The following TCF12 variants were observed in gnomAD, a reference collection of about 807,000 sequenced individuals.
The protein encoded by TCF12 is transcription factor 12.
In TCF12, 45 loss-of-function variants were observed where a neutral mutation model predicts 86.0. The ratio of observed to expected loss-of-function variants is 0.52; its 90% CI spans 0.41 to 0.67. TCF12 has a LOEUF of 0.67. Ranked by LOEUF, TCF12 falls within the 30% of genes least tolerant of loss-of-function variation. The probability of loss-of-function intolerance (pLI) is 0.00; values close to 1 mark genes in which losing one functional copy is unlikely to be tolerated. For missense variants in TCF12, 881 were observed against 859.9 expected (o/e 1.02, Z -0.31); for synonymous variants, 330 against 299.6 (o/e 1.10, Z -1.05).
intron 3 of TCF12, among the ~76,000 whole-genome samples, chr15:57,015,681 A>G (rs2141206144): frequency 6.8e-6 from 1 of 147,554 alleles, no homozygotes; most frequent in South Asian, 2.2e-4. Flanking sequence ...CATGTTTCTT[A>G]GACAGTTTCT....
intron 16 of TCF12, among the ~76,000 whole-genome samples, chr15:57,256,546 C>T (rs925714347): frequency 2.1e-5 from 3 of 139,698 alleles, no homozygotes; most frequent in African/African-American, 5.3e-5. Flanking sequence ...AATCGATTCC[C>T]CACCCCCACC....
intron 5 of TCF12, among the ~76,000 whole-genome samples, chr15:57,151,195 G>GT (rs1415038394): frequency 6.8e-6 from 1 of 146,708 alleles, no homozygotes; most frequent in Non-Finnish European, 1.5e-5. Context: ...TGCCCAGGCT[G>GT]GTCTTAAACT....
intron 6 of TCF12, among the ~76,000 whole-genome samples, chr15:57,189,795 A>G (rs1356294552): frequency 2.0e-5 from 3 of 151,504 alleles, no homozygotes; most frequent in African/African-American, 4.8e-5. Context: ...TATACATAGC[A>G]GTACTATTCA....
intron 7 of TCF12, among the ~76,000 whole-genome samples, chr15:57,197,321 T>G (rs2057321650): frequency 6.6e-6 from 1 of 151,770 alleles, no homozygotes; most frequent in South Asian, 2.1e-4. Flanking sequence ...CACGGCCAGT[T>G]AATTTTTTTG....
At chr15:56,938,138 T>C (rs974693770) in intron 3 of TCF12, among the ~76,000 whole-genome samples, 1 of 150,264 alleles carries the variant, frequency 6.7e-6, no homozygotes, top group African/African-American at 2.5e-5. Flanking sequence ...GTTTGCTTTT[T>C]TTTCTTCTTT....
intron 4 of TCF12, among the ~76,000 whole-genome samples, chr15:57,085,852 A>C (rs2048588512): frequency 6.6e-6 from 1 of 152,042 alleles, no homozygotes; most frequent in African/African-American, 2.4e-5. Context: ...GCTTTTGCCC[A>C]CTTAGAGGGT....
intron 5 of TCF12, among the ~76,000 whole-genome samples, chr15:57,099,379 G>A (rs72731919): frequency 6.6e-5 from 10 of 151,944 alleles, no homozygotes; most frequent in Non-Finnish European, 1.0e-4. Flanking sequence ...TGGGTAATCC[G>A]TCCTAGAATG....
chr15:56,975,162 T>A (rs1243849583), intron 3 of TCF12, among the ~76,000 whole-genome samples: 1 of 152,162 alleles, frequency 6.6e-6, no homozygotes, highest in Non-Finnish European at 1.5e-5. Flanking sequence ...ATAGTATCTT[T>A]TGTGATTAGT....
At chr15:56,963,119 A>C (rs1379397428) in intron 3 of TCF12, among the ~76,000 whole-genome samples, 1 of 147,322 alleles carries the variant, frequency 6.8e-6, no homozygotes, top group Non-Finnish European at 1.5e-5. Flanking sequence ...GCATTTAAAT[A>C]CTCTTTATTC....
intron 3 of TCF12, among the ~76,000 whole-genome samples, chr15:56,990,776 C>T (rs1032105549): frequency 1.4e-5 from 2 of 146,484 alleles, no homozygotes; most frequent in African/African-American, 5.1e-5. Context: ...TTCTTTATAA[C>T]TCTTCAGAAT....
chr15:57,266,871 T>A (rs1455732349), intron 18 of TCF12, among the ~76,000 whole-genome samples: 1 of 152,060 alleles, frequency 6.6e-6, no homozygotes, highest in Non-Finnish European at 1.5e-5. Context: ...ATTCTGTCTC[T>A]ACAAAAAATT....
At chr15:57,113,551 C>A (rs748698930) in intron 5 of TCF12, among the ~76,000 whole-genome samples, 10 of 151,014 alleles carry the variant, frequency 6.6e-5, no homozygotes, top group Non-Finnish European at 1.2e-4. Flanking sequence ...TTTTCTTTTT[C>A]TTTTTCTTTT....
intron 5 of TCF12, among the ~76,000 whole-genome samples, chr15:57,137,743 A>G (rs2052656386): frequency 6.6e-6 from 1 of 152,054 alleles, no homozygotes; most frequent in African/African-American, 2.4e-5. Flanking sequence ...CTTAAAGAAT[A>G]TTAGGTCGGG....
At chr15:57,250,875 G>A (rs1475093723) in intron 13 of TCF12, among the ~76,000 whole-genome samples, 1 of 139,974 alleles carries the variant, frequency 7.1e-6, no homozygotes, top group African/African-American at 2.5e-5. Flanking sequence ...CAGCCTGGGC[G>A]ACAGTGAGAC....
At chr15:57,047,018 T>G (rs1567314767) in intron 3 of TCF12, among the ~76,000 whole-genome samples, 1 of 152,238 alleles carries the variant, frequency 6.6e-6, no homozygotes, top group Non-Finnish European at 1.5e-5. Context: ...GAATCTAAAC[T>G]ACGCCTTTCG....
At chr15:57,123,408 A>G (rs1177850375) in intron 5 of TCF12, among the ~76,000 whole-genome samples, 1 of 152,228 alleles carries the variant, frequency 6.6e-6, no homozygotes, top group African/African-American at 2.4e-5. Context: ...ATAACTTTGA[A>G]TTCCATTGTA....
rs540206230 is a variant in TCF12 at position 57,166,399 on chromosome 15, T to C, written c.326-3T>C. ...ATATAAAGTTAATTTCTTTGTTTTA[T>C]AGGAAAAACATCAGAGAGAGGCTCA... On this transcript the variant is annotated splice_region_variant and splice_polypyrimidine_tract_variant and intron_variant, in intron 5 of 20. Coordinates refer to ENST00000333725, the MANE Select transcript of TCF12 (RefSeq NM_207037.2). 161 of 1,610,660 alleles carry C rather than the reference T, an allele frequency of 1.0e-4. No individual in the cohort carries two copies. The highest frequency in any genetic ancestry group is 1.3e-4 in the Non-Finnish European group (153 of 1,178,366).
At chr15:56,921,129 A>G in intron 3 of TCF12, 31 bp downstream of exon 3, 1 of 1,548,732 alleles carries the variant, frequency 6.5e-7, no homozygotes, top group Non-Finnish European at 8.8e-7. Context: ...AAAGACTCAT[A>G]TTTTGGTGGT....
At chr15:57,151,941 G>A (rs541215875) in intron 5 of TCF12, among the ~76,000 whole-genome samples, 134 of 152,272 alleles carry the variant, frequency 8.8e-4, no homozygotes, top group African/African-American at 3.1e-3. Context: ...TGGGGCAGGG[G>A]CAAAAGCTTG....
Sources: gnomAD v4.1 joint callset for allele counts (sites outside exome capture counted in the v4.1 genomes callset) on GRCh38, gnomAD v4.1.1 for gene constraint, MANE v1.5 for transcripts, NCBI Gene and HGNC (gene_info 2026-07-23, HGNC 2026-07-21) for gene names.